Variants in FHIT observed in about 807,000 individuals in gnomAD.
FHIT encodes the protein bis(5'-adenosyl)-triphosphatase.
Under a neutral mutation model 17.9 loss-of-function variants are expected in FHIT, and 19 were observed. The observed-to-expected ratio is 1.06, with a 90% CI of 0.74 to 1.56. FHIT has a LOEUF of 1.56. Among genes scored for constraint, FHIT ranks in the 40% most tolerant of loss-of-function variants. The pLI is 0.00. For missense variants in FHIT, 248 were observed against 189.2 expected (o/e 1.31, Z -1.82); for synonymous variants, 81 against 69.7 (o/e 1.16, Z -0.81).
At chr3:60,310,982 T>G (rs1203531352) in intron 5 of FHIT, among the ~76,000 whole-genome samples, 1 of 152,148 alleles carries the variant, frequency 6.6e-6, no homozygotes, top group African/African-American at 2.4e-5. Context: ...ACTAAAGATA[T>G]TCTTTTCCAC....
At chr3:60,086,262 G>A (rs1020414777) in intron 5 of FHIT, among the ~76,000 whole-genome samples, 1 of 152,078 alleles carries the variant, frequency 6.6e-6, no homozygotes, top group African/African-American at 2.4e-5. Flanking sequence ...TGAAGGATCT[G>A]CCCTCCTGAC....
intron 5 of FHIT, among the ~76,000 whole-genome samples, chr3:60,085,173 T>C (rs926842805): frequency 9.9e-5 from 15 of 152,146 alleles, no homozygotes; most frequent in Non-Finnish European, 2.1e-4. Context: ...GATTTTACAA[T>C]GTATTAACTC....
chr3:59,969,875 A>T (rs2107379185), intron 7 of FHIT, among the ~76,000 whole-genome samples: 2 of 152,246 alleles, frequency 1.3e-5, no homozygotes, highest in East Asian at 3.9e-4. Flanking sequence ...AAGTCCAAGG[A>T]AAGGATCGTT....
intron 5 of FHIT, among the ~76,000 whole-genome samples, chr3:60,122,098 G>T (rs933881745): frequency 3.4e-5 from 5 of 147,676 alleles, no homozygotes; most frequent in Non-Finnish European, 3.0e-5. Flanking sequence ...TTCTTCAGAA[G>T]AGAAATTGCA....
At chr3:60,234,990 A>T (rs1278891839) in intron 5 of FHIT, among the ~76,000 whole-genome samples, 1 of 152,124 alleles carries the variant, frequency 6.6e-6, no homozygotes, top group Non-Finnish European at 1.5e-5. Flanking sequence ...TCCTGGGGCT[A>T]CGTAGGTGAC....
At chr3:60,824,123 C>T (rs1280897911) in intron 3 of FHIT, among the ~76,000 whole-genome samples, 3 of 152,128 alleles carry the variant, frequency 2.0e-5, no homozygotes, top group African/African-American at 4.8e-5. Context: ...CAAGATCTGA[C>T]TTACATTTTA....
At chr3:60,399,007 T>C (rs143284677) in intron 5 of FHIT, among the ~76,000 whole-genome samples, 159 of 152,294 alleles carry the variant, frequency 1.0e-3, no homozygotes, top group African/African-American at 3.5e-3. Flanking sequence ...CTGTGATTAA[T>C]AGACTTTTTT....
chr3:60,542,135 A>C (rs2036206022), intron 4 of FHIT, among the ~76,000 whole-genome samples: 1 of 152,194 alleles, frequency 6.6e-6, no homozygotes, highest in Admixed American at 6.5e-5. Context: ...TAGGTTTTAA[A>C]TCCCATTCTT....
chr3:60,123,963 TAAAA>T (rs202075382), intron 5 of FHIT, among the ~76,000 whole-genome samples: 8 of 53,542 alleles, frequency 1.5e-4, no homozygotes, highest in African/African-American at 6.5e-4. Context: ...AGAAATGCAC[TAAAA>T]ATATATATAT....
chr3:60,184,831 T>C (rs1307478139), intron 5 of FHIT, among the ~76,000 whole-genome samples: 1 of 152,192 alleles, frequency 6.6e-6, no homozygotes, highest in Non-Finnish European at 1.5e-5. Context: ...TCCATCCCTA[T>C]TTATTCAAAT....
intron 3 of FHIT, among the ~76,000 whole-genome samples, chr3:60,894,682 AAAAAC>A (rs1233393833): frequency 3.3e-5 from 5 of 152,138 alleles, no homozygotes; most frequent in Admixed American, 2.0e-4. Context: ...CAAAACAAAA[AAAAAC>A]AAACAAAAAA....
intron 3 of FHIT, among the ~76,000 whole-genome samples, chr3:60,985,679 T>C (rs1000488356): frequency 6.6e-6 from 1 of 152,252 alleles, no homozygotes; most frequent in African/African-American, 2.4e-5. Flanking sequence ...CCCCCAGAGT[T>C]TCTGATTGGA....
chr3:60,427,391 T>G (rs1266462159), intron 5 of FHIT, among the ~76,000 whole-genome samples: 2 of 152,120 alleles, frequency 1.3e-5, no homozygotes, highest in Middle Eastern at 3.2e-3. Flanking sequence ...CACAGTCAAC[T>G]GACACCTTGA....
chr3:60,099,489 T>C (rs558818773), intron 5 of FHIT, among the ~76,000 whole-genome samples: 5 of 152,164 alleles, frequency 3.3e-5, no homozygotes, highest in East Asian at 3.9e-4. Flanking sequence ...AGTAGGACTT[T>C]AGAGCTGGGC....
In FHIT at chr3:60,569,755, A is replaced by ATATATATATTT; in HGVS notation, c.-17-32777_-17-32776insAAATATATATA. On this transcript the variant is annotated intron_variant, in intron 4 of 9. Coordinates refer to ENST00000492590, the MANE Select transcript of FHIT (RefSeq NM_002012.4). ...TATATATATATATATATATATATAT[A>ATATATATATTT]TTTTTTTTTTTTTTAGACAGAGTTT... Among the ~76,000 whole-genome samples the ATATATATATTT allele has an allele frequency of 8.4e-4, 65 of 77,336 alleles. 1 individual carries two copies. The highest frequency in any genetic ancestry group is 1.6e-3 in the East Asian group (3 of 1,890). 50.7% of individuals were successfully genotyped at this position (77,336 alleles called of 152,430 possible).
At chr3:60,744,570 A>G (rs1427653045) in intron 4 of FHIT, among the ~76,000 whole-genome samples, 3 of 152,214 alleles carry the variant, frequency 2.0e-5, no homozygotes, top group Non-Finnish European at 4.4e-5. Flanking sequence ...ACCTTCCTGC[A>G]GTCCCAGAGA....
In FHIT at chr3:60,455,254, A is replaced by T. The variant is rs551842361; in HGVS notation, c.103+81606T>A. ...TGGGTTTTCATTATGATCAGACAAG[A>T]CTCTTCTTGACCAAAGACTGAACTC... is the stretch of plus-strand genomic sequence containing the variant. On this transcript the variant is annotated intron_variant, in intron 5 of 9. Transcript: ENST00000492590. 2.6e-4 allele frequency among the ~76,000 whole-genome samples: 40 copies of T among 151,860 alleles called. 1 individual carries two copies. In the South Asian group the frequency reaches 8.3e-3, roughly 32 times the overall value.
intron 5 of FHIT, among the ~76,000 whole-genome samples, chr3:60,367,556 G>A (rs1250926514): frequency 1.3e-5 from 2 of 152,148 alleles, no homozygotes; most frequent in Non-Finnish European, 1.5e-5. Flanking sequence ...TACATTTGAT[G>A]TATTTGAAAC....
At chr3:60,149,798 C>G (rs1240240578) in intron 5 of FHIT, among the ~76,000 whole-genome samples, 1 of 146,380 alleles carries the variant, frequency 6.8e-6, no homozygotes, top group Non-Finnish European at 1.5e-5. Flanking sequence ...TACCCCCCTA[C>G]CCATAGAGAT....
Sources: allele counts gnomAD v4.1 joint callset (sites outside exome capture counted in the v4.1 genomes callset), GRCh38; gene constraint gnomAD v4.1.1; transcripts MANE v1.5; gene names NCBI Gene and HGNC (gene_info 2026-07-23, HGNC 2026-07-21).